Variants in GRK4 observed in about 807,000 individuals in gnomAD.
GRK4 encodes G protein-coupled receptor kinase 4, also known as G protein-coupled receptor kinase 2-like.
Under a neutral mutation model 77.9 loss-of-function variants are expected in GRK4, and 73 were observed. That is an observed-to-expected ratio of 0.94 (90% CI 0.78 to 1.14). The LOEUF is 1.14. GRK4 is among the 50% of genes most tolerant of loss of function. The pLI is 0.00. For missense variants in GRK4, 729 were observed against 700.2 expected (o/e 1.04, Z -0.46); for synonymous variants, 257 against 254.4 (o/e 1.01, Z -0.10).
At chr4:3,012,766 G>A (rs554712289) in intron 7 of GRK4, among the ~76,000 whole-genome samples, 10 of 152,188 alleles carry the variant, frequency 6.6e-5, no homozygotes, top group African/African-American at 1.9e-4. Context: ...ACTTTAAGAA[G>A]TAATAGAATA....
At chr4:2,968,693 C>G (rs1577920548) in intron 1 of GRK4, among the ~76,000 whole-genome samples, 1 of 152,058 alleles carries the variant, frequency 6.6e-6, no homozygotes, top group Non-Finnish European at 1.5e-5. Context: ...GGCATATTAG[C>G]AAGCAGTGAG....
At chr4:2,976,332 A>AGTGATCCTCCCACCTCAGCCTCCT (rs1390352136) in intron 1 of GRK4, among the ~76,000 whole-genome samples, 1 of 151,386 alleles carries the variant, frequency 6.6e-6, no homozygotes, top group African/African-American at 2.4e-5. Context: ...CCTAGGCTCC[A>AGTGATCCTCCCACCTCAGCCTCCT]GTGATCCTCC....
intron 2 of GRK4, among the ~76,000 whole-genome samples, chr4:2,988,418 G>C (rs1440076602): frequency 2.0e-5 from 3 of 152,030 alleles, no homozygotes; most frequent in Non-Finnish European, 4.4e-5. Flanking sequence ...TTGTCTTTTT[G>C]TTGTTGAGGT....
At position 3,024,992 on chromosome 4, in the gene GRK4, C is replaced by T. The variant is rs937499587; in HGVS notation, c.970+2541C>T. 3.9e-5 allele frequency among the ~76,000 whole-genome samples: 6 copies of T among 152,030 alleles called. No individual in the cohort carries two copies. In the East Asian group the frequency reaches 1.2e-3, roughly 29 times the overall value. Reference sequence around the variant, plus strand: ...AATTAATTTAAAGTCACTCAGAGGCCGGGCACAGTGGCTCTTGCCTGTAAT... The same window carrying T: ...AATTAATTTAAAGTCACTCAGAGGCTGGGCACAGTGGCTCTTGCCTGTAAT... On this transcript the variant is annotated intron_variant, in intron 10 of 15. Coordinates refer to ENST00000398052, the MANE Select transcript of GRK4 (RefSeq NM_182982.3).
At chr4:3,039,589 C>T (rs1173288498) in intron 15 of GRK4, among the ~76,000 whole-genome samples, 1 of 148,658 alleles carries the variant, frequency 6.7e-6, no homozygotes, top group Non-Finnish European at 1.5e-5. Flanking sequence ...TCCCAGCTAC[C>T]TGGGAGTCTG....
intron 13 of GRK4, 144 bp from the exon 14 acceptor site, chr4:3,037,230 G>A: frequency 2.4e-6 from 2 of 819,294 alleles, no homozygotes; most frequent in South Asian, 4.1e-5. Flanking sequence ...AATGCCTCAA[G>A]TGAGAGGGGC....
chr4:3,006,357 TCAA>T (rs1456421682), intron 5 of GRK4, among the ~76,000 whole-genome samples: 1 of 147,764 alleles, frequency 6.8e-6, no homozygotes, highest in African/African-American at 2.6e-5. Flanking sequence ...TCCAGCCTGG[TCAA>T]CAAGAGCAAA....
intron 5 of GRK4, 69 bp from the exon 6 acceptor site, chr4:3,007,667 C>T: frequency 1.1e-6 from 1 of 896,788 alleles, no homozygotes; most frequent in Non-Finnish European, 1.7e-6. Flanking sequence ...CCTATTAATG[C>T]ACTAAAACAC....
At chr4:3,006,478 C>T (rs1165975767) in intron 5 of GRK4, among the ~76,000 whole-genome samples, 1 of 151,964 alleles carries the variant, frequency 6.6e-6, no homozygotes, top group Non-Finnish European at 1.5e-5. Context: ...ATTTGAACTG[C>T]TTTCCAAAAA....
At chr4:2,999,456 C>T (rs1039991645) in intron 4 of GRK4, among the ~76,000 whole-genome samples, 2 of 152,196 alleles carry the variant, frequency 1.3e-5, no homozygotes, top group African/African-American at 4.8e-5. Context: ...CTTTGGGGCA[C>T]ACATCCAAAC....
At chr4:3,012,402 A>G (rs1193567428) in intron 7 of GRK4, among the ~76,000 whole-genome samples, 1 of 152,220 alleles carries the variant, frequency 6.6e-6, no homozygotes, top group Non-Finnish European at 1.5e-5. Context: ...ATACCCATGT[A>G]AGAAGGTGGG....
At chr4:3,001,589 A>G (rs1260493669) in intron 4 of GRK4, among the ~76,000 whole-genome samples, 1 of 151,650 alleles carries the variant, frequency 6.6e-6, no homozygotes, top group Non-Finnish European at 1.5e-5. Context: ...CTGGTCTCGA[A>G]CTCCTGACCT....
chr4:2,985,592 T>C (rs1724067428), intron 2 of GRK4, among the ~76,000 whole-genome samples: 1 of 151,990 alleles, frequency 6.6e-6, no homozygotes, highest in South Asian at 2.1e-4. Flanking sequence ...AAATTTCTAA[T>C]GATCTTCAGG....
chr4:3,029,063 C>T (rs1738412693), intron 11 of GRK4, 138 bp from the exon 12 acceptor site: 4 of 695,370 alleles, frequency 5.8e-6, no homozygotes, highest in African/African-American at 5.4e-5. Context: ...TGAGCCACCG[C>T]TCCCAGCCTT....
chr4:2,970,273 A>G (rs993214740), intron 1 of GRK4, among the ~76,000 whole-genome samples: 2 of 152,216 alleles, frequency 1.3e-5, no homozygotes, highest in Non-Finnish European at 2.9e-5. Context: ...GCTTTAAATC[A>G]GGATTTTTAT....
At chr4:2,972,495 G>C (rs1293841994) in intron 1 of GRK4, among the ~76,000 whole-genome samples, 2 of 152,124 alleles carry the variant, frequency 1.3e-5, no homozygotes, top group Non-Finnish European at 2.9e-5. Flanking sequence ...AGTGGCGCTA[G>C]GGTTCACCAG....
chr4:2,976,583 C>T (rs1354247436), intron 1 of GRK4, among the ~76,000 whole-genome samples: 1 of 151,642 alleles, frequency 6.6e-6, no homozygotes, highest in East Asian at 1.9e-4. Context: ...GTAGTTGCAC[C>T]CACCGTTCTT....
chr4:3,018,463 GT>G (rs1735169935), intron 8 of GRK4, among the ~76,000 whole-genome samples: 1 of 152,202 alleles, frequency 6.6e-6, no homozygotes, highest in African/African-American at 2.4e-5. Context: ...GAGCCCAGGA[GT>G]TTGAGTCCAG....
chr4:3,005,882 C>T (rs1731175905), intron 5 of GRK4, among the ~76,000 whole-genome samples: 1 of 151,848 alleles, frequency 6.6e-6, no homozygotes, highest in African/African-American at 2.4e-5. Flanking sequence ...TGTGGCTTCT[C>T]TGCACACTGA....
Sources: allele counts gnomAD v4.1 joint callset (sites outside exome capture counted in the v4.1 genomes callset), GRCh38; gene constraint gnomAD v4.1.1; transcripts MANE v1.5; gene names NCBI Gene and HGNC (gene_info 2026-07-23, HGNC 2026-07-21).